MSI2: variants seen among roughly 807,000 people sequenced by gnomAD.
MSI2 encodes the protein RNA-binding protein Musashi homolog 2.
MSI2 carries 17 observed loss-of-function variants against 45.6 expected under a neutral mutation model. The ratio of observed to expected loss-of-function variants is 0.37; its 90% CI spans 0.26 to 0.56. The LOEUF is 0.56. Ranked by LOEUF, MSI2 falls within the 20% of genes least tolerant of loss-of-function variation. The probability of loss-of-function intolerance (pLI) is 0.77; values close to 1 mark genes in which losing one functional copy is unlikely to be tolerated. For missense variants in MSI2, 293 were observed against 444.2 expected (o/e 0.66, Z 3.06); for synonymous variants, 156 against 158.2 (o/e 0.99, Z 0.11).
chr17:57,609,900 G>A (rs539196471), intron 8 of MSI2, among the ~76,000 whole-genome samples: 6 of 152,210 alleles, frequency 3.9e-5, no homozygotes, highest in Non-Finnish European at 5.9e-5. Context: ...TAGGCAGATC[G>A]GGATTAACAT....
intron 4 of MSI2, among the ~76,000 whole-genome samples, chr17:57,260,550 C>T (rs1215727585): frequency 1.3e-5 from 2 of 152,268 alleles, no homozygotes; most frequent in Non-Finnish European, 2.9e-5. Context: ...CTCTGTCTTA[C>T]GTACGTCAAC....
At chr17:57,433,637 A>C (rs2084639637) in intron 6 of MSI2, among the ~76,000 whole-genome samples, 1 of 152,188 alleles carries the variant, frequency 6.6e-6, no homozygotes, top group Non-Finnish European at 1.5e-5. Context: ...TGAAGCCACG[A>C]ATTCTGAGTG....
chr17:57,609,579 C>T (rs1169682409), intron 8 of MSI2, among the ~76,000 whole-genome samples: 1 of 152,258 alleles, frequency 6.6e-6, no homozygotes, highest in African/African-American at 2.4e-5. Context: ...TCCCTCTGGG[C>T]CCCAAGGCCG....
chr17:57,257,049 T>C, intron 1 of MSI2, 49 bp from the exon 2 acceptor site: 2 of 1,434,134 alleles, frequency 1.4e-6, no homozygotes, highest in African/African-American at 1.5e-5. Context: ...CACGTCAAAA[T>C]GGCCGATCTG....
intron 7 of MSI2, among the ~76,000 whole-genome samples, chr17:57,555,615 C>A (rs532620499): frequency 6.6e-6 from 1 of 152,162 alleles, no homozygotes; most frequent in African/African-American, 2.4e-5. Flanking sequence ...ACCCCCTGAG[C>A]ATGCCTCCAT....
intron 6 of MSI2, among the ~76,000 whole-genome samples, chr17:57,501,146 C>T (rs536455999): frequency 1.1e-4 from 16 of 152,270 alleles, no homozygotes; most frequent in African/African-American, 2.2e-4. Flanking sequence ...CACCCAAGAT[C>T]GCCGTGTGGT....
chr17:57,451,904 G>T (rs1377233244), intron 6 of MSI2, among the ~76,000 whole-genome samples: 1 of 152,198 alleles, frequency 6.6e-6, no homozygotes, highest in South Asian at 2.1e-4. Context: ...ACCCTCATCA[G>T]CTGGCTAGCC....
chr17:57,288,795 A>G (rs2094930150), intron 5 of MSI2, among the ~76,000 whole-genome samples: 1 of 152,084 alleles, frequency 6.6e-6, no homozygotes, highest in Admixed American at 6.5e-5. Context: ...CACTGTTGAC[A>G]TTTTGAGCCA....
chr17:57,603,045 G>A (rs1242645339), intron 8 of MSI2, among the ~76,000 whole-genome samples: 1 of 152,200 alleles, frequency 6.6e-6, no homozygotes, highest in African/African-American at 2.4e-5. Flanking sequence ...AAGGGAGCAC[G>A]GAGCCAGGCC....
intron 6 of MSI2, among the ~76,000 whole-genome samples, chr17:57,499,608 A>AG (rs1233530921): frequency 6.6e-6 from 1 of 152,182 alleles, no homozygotes; most frequent in Non-Finnish European, 1.5e-5. Context: ...TCACCCAAAA[A>AG]CTTGTTGGCT....
At chr17:57,584,821 C>T (rs2088301792) in intron 7 of MSI2, among the ~76,000 whole-genome samples, 1 of 150,958 alleles carries the variant, frequency 6.6e-6, no homozygotes. Context: ...TAAATGGATG[C>T]ACCTTAGGGT....
intron 5 of MSI2, among the ~76,000 whole-genome samples, chr17:57,270,901 G>A (rs867728717): frequency 6.6e-6 from 1 of 152,220 alleles, no homozygotes; most frequent in Admixed American, 6.5e-5. Context: ...TTCTGTGTCA[G>A]TGGCTTGGCC....
chr17:57,600,518 A>G (rs759057571), intron 8 of MSI2, among the ~76,000 whole-genome samples: 5 of 152,234 alleles, frequency 3.3e-5, no homozygotes, highest in Non-Finnish European at 7.3e-5. Flanking sequence ...GAGGCACATT[A>G]TAATTCCTAA....
intron 5 of MSI2, among the ~76,000 whole-genome samples, chr17:57,399,712 A>G (rs2083954037): frequency 6.6e-6 from 1 of 152,238 alleles, no homozygotes; most frequent in Non-Finnish European, 1.5e-5. Flanking sequence ...CATCATGGCT[A>G]TGATGCTCAT....
chr17:57,676,675 G>A (rs1257279777), intron 12 of MSI2, among the ~76,000 whole-genome samples: 1 of 152,210 alleles, frequency 6.6e-6, no homozygotes, highest in Non-Finnish European at 1.5e-5. Flanking sequence ...TTTGCACTCT[G>A]GGGTTCAGGG....
chr17:57,472,554 C>G (rs1421891398), intron 6 of MSI2, among the ~76,000 whole-genome samples: 1 of 152,214 alleles, frequency 6.6e-6, no homozygotes, highest in African/African-American at 2.4e-5. Context: ...TTGGGGCCAA[C>G]CCCATCTGGG....
intron 6 of MSI2, among the ~76,000 whole-genome samples, chr17:57,424,488 TTTC>T (rs1567815905): frequency 6.6e-6 from 1 of 152,174 alleles, no homozygotes; most frequent in Non-Finnish European, 1.5e-5. Context: ...TTTCAGTCTT[TTTC>T]TTCTTCTTCT....
rs535956988 is a variant in MSI2, at chr17:57,388,819, A to G, written c.313-12560A>G. On this transcript the variant is annotated intron_variant, in intron 5 of 13. Coordinates refer to ENST00000284073, the MANE Select transcript of MSI2 (RefSeq NM_138962.4). ...CAGATGTGTACCACCACACCTGGCT[A>G]ATTTTTGTATTTTTAGTAGAAGTGG... Among the ~76,000 whole-genome samples the G allele has an allele frequency of 6.6e-5, 10 of 151,218 alleles. No individual in the cohort carries two copies. In the East Asian group the frequency reaches 1.9e-3, roughly 29 times the overall value.
intron 6 of MSI2, among the ~76,000 whole-genome samples, chr17:57,495,020 C>T (rs2085947887): frequency 6.6e-6 from 1 of 152,084 alleles, no homozygotes. Context: ...TAGGAAGTAC[C>T]TGGAGTGGGT....
Sources: gnomAD v4.1 joint callset for allele counts (sites outside exome capture counted in the v4.1 genomes callset) on GRCh38, gnomAD v4.1.1 for gene constraint, MANE v1.5 for transcripts, NCBI Gene and HGNC (gene_info 2026-07-23, HGNC 2026-07-21) for gene names.